ROBO2: variants seen among roughly 807,000 people sequenced by gnomAD.
The protein encoded by ROBO2 is roundabout homolog 2.
A neutral mutation model predicts 160.8 loss-of-function variants in ROBO2; 53 were observed. That is an observed-to-expected ratio of 0.33 (90% CI 0.26 to 0.41). The LOEUF is 0.41. ROBO2 is among the 10% of genes least tolerant of loss of function. The pLI is 1.00. For missense variants in ROBO2, 1,577 were observed against 1,722.4 expected (o/e 0.92, Z 1.49); for synonymous variants, 664 against 611.7 (o/e 1.09, Z -1.26).
At chr3:76,501,002 G>C (rs1307375553) in intron 2 of ROBO2, among the ~76,000 whole-genome samples, 1 of 152,112 alleles carries the variant, frequency 6.6e-6, no homozygotes, top group Non-Finnish European at 1.5e-5. Context: ...GGGAGGGCTA[G>C]GAAGCATATT....
At chr3:76,881,804 C>G (rs951891166) in intron 2 of ROBO2, among the ~76,000 whole-genome samples, 1 of 152,182 alleles carries the variant, frequency 6.6e-6, no homozygotes, top group African/African-American at 2.4e-5. Flanking sequence ...TTGGCTATGG[C>G]AGAATGTGTG....
At chr3:76,062,633 T>C (rs72892644) in intron 2 of ROBO2, among the ~76,000 whole-genome samples, 4,055 of 152,242 alleles carry the variant, frequency 0.027, 201 homozygotes, top group African/African-American at 0.092. Context: ...GAAATTGGGT[T>C]TGTGCTTTCA....
chr3:77,618,958 A>G (rs1186345922), intron 22 of ROBO2, among the ~76,000 whole-genome samples: 1 of 152,194 alleles, frequency 6.6e-6, no homozygotes, highest in Non-Finnish European at 1.5e-5. Flanking sequence ...GAAGCAATGC[A>G]GTTTGGTCAT....
chr3:76,517,094 ACTTT>A (rs2081379015), intron 2 of ROBO2, among the ~76,000 whole-genome samples: 3 of 152,142 alleles, frequency 2.0e-5, no homozygotes, highest in South Asian at 2.1e-4. Flanking sequence ...ATATCATATG[ACTTT>A]CTTTTAATAT....
intron 2 of ROBO2, among the ~76,000 whole-genome samples, chr3:77,417,231 CTTTT>C (rs10552785): frequency 7.8e-5 from 11 of 141,910 alleles, no homozygotes; most frequent in Non-Finnish European, 1.1e-4. Flanking sequence ...AGGGTAACCA[CTTTT>C]TTTTTTTTTT....
chr3:77,530,516 C>T (rs563509858), intron 6 of ROBO2, among the ~76,000 whole-genome samples: 109 of 152,108 alleles, frequency 7.2e-4, no homozygotes, highest in Admixed American at 4.6e-4. Context: ...TCAGAGTTTT[C>T]CTCTAGGTGA....
At chr3:77,110,094 A>T (rs1473889872) in intron 2 of ROBO2, among the ~76,000 whole-genome samples, 1 of 152,110 alleles carries the variant, frequency 6.6e-6, no homozygotes, top group Non-Finnish European at 1.5e-5. Context: ...CAGTAATTTG[A>T]TTTTCTCTGT....
At chr3:77,557,518 T>C (rs528192101) in intron 8 of ROBO2, among the ~76,000 whole-genome samples, 2 of 152,144 alleles carry the variant, frequency 1.3e-5, no homozygotes, top group Non-Finnish European at 2.9e-5. Context: ...GAAAATTGGC[T>C]GTACTCATAT....
At chr3:77,043,169 G>A (rs1413310342) in intron 1 of ROBO2, among the ~76,000 whole-genome samples, 4 of 152,092 alleles carry the variant, frequency 2.6e-5, no homozygotes, top group African/African-American at 9.7e-5. Context: ...ATAGTGAAGA[G>A]GTTGGTTTGT....
At chr3:77,434,857 T>C (rs62249849) in intron 2 of ROBO2, among the ~76,000 whole-genome samples, 11,984 of 152,202 alleles carry the variant, frequency 0.079, 560 homozygotes, top group African/African-American at 0.11. Flanking sequence ...AGATCACTTA[T>C]TGTATTTTTA....
intron 2 of ROBO2, among the ~76,000 whole-genome samples, chr3:76,823,647 T>C (rs1391417709): frequency 1.3e-5 from 2 of 151,970 alleles, no homozygotes; most frequent in African/African-American, 2.4e-5. Flanking sequence ...GTATTAAAAA[T>C]GGAAGCAATA....
intron 2 of ROBO2, among the ~76,000 whole-genome samples, chr3:76,026,682 C>T (rs1428705760): frequency 6.6e-6 from 1 of 151,812 alleles, no homozygotes; most frequent in Non-Finnish European, 1.5e-5. Context: ...GTGTGGAGAT[C>T]CCATATAAAC....
rs575453614 is a variant in ROBO2, at chr3:76,795,945, G to GA, written c.110-302066dup. 1.4e-3 allele frequency among the ~76,000 whole-genome samples: 216 copies of GA among 152,242 alleles called. 1 individual carries two copies. Among genetic ancestry groups the GA allele is most frequent in the African/African-American group, 5.1e-3 (211 of 41,560 alleles). On this transcript the variant is annotated intron_variant, in intron 2 of 26. Transcript: ENST00000487694. ...GAATGGATATTGCATTAGCAGGCAT[G>GA]AAACAACATTAATTTTTTTATACAT...
intron 2 of ROBO2, among the ~76,000 whole-genome samples, chr3:77,132,910 A>G (rs776211042): frequency 1.3e-5 from 2 of 152,192 alleles, no homozygotes; most frequent in Non-Finnish European, 2.9e-5. Context: ...GAAGGTTTAC[A>G]GAAGTGAATA....
intron 2 of ROBO2, among the ~76,000 whole-genome samples, chr3:76,136,362 A>G (rs181652238): frequency 2.0e-5 from 3 of 152,008 alleles, no homozygotes; most frequent in Admixed American, 1.3e-4. Flanking sequence ...TTGACAAAAA[A>G]TGACTTAAAA....
intron 1 of ROBO2, among the ~76,000 whole-genome samples, chr3:75,911,552 C>CTTTT (rs56787695): frequency 0.022 from 1,811 of 83,516 alleles, 129 homozygotes; most frequent in Middle Eastern, 0.048. Context: ...AGCCTTGTTT[C>CTTTT]TTTTTTTTTT....
intron 2 of ROBO2, among the ~76,000 whole-genome samples, chr3:76,747,260 G>T (rs1284365963): frequency 6.6e-6 from 1 of 152,080 alleles, no homozygotes; most frequent in African/African-American, 2.4e-5. Context: ...GTGATTTGCA[G>T]AGCAGTGTAC....
intron 2 of ROBO2, among the ~76,000 whole-genome samples, chr3:76,761,008 C>G (rs2061276483): frequency 6.6e-6 from 1 of 151,574 alleles, no homozygotes; most frequent in African/African-American, 2.4e-5. Context: ...CCTTCTACAT[C>G]AGGAACACAT....
Position 77,311,822 on chromosome 3 carries a change from C to A in ROBO2, c.389-165592C>A, listed in dbSNP as rs189159955. Reference sequence around the variant, plus strand: ...TGACTCAGGGCCGGGCGCAGTGGGTCACGCCTGTAATCCCAACACTTTGAG... The same window carrying A: ...TGACTCAGGGCCGGGCGCAGTGGGTAACGCCTGTAATCCCAACACTTTGAG... On this transcript the variant is annotated intron_variant, in intron 2 of 25. Transcript: ENST00000461745. Among the ~76,000 whole-genome samples, 132 of 152,294 alleles carry A rather than the reference C, an allele frequency of 8.7e-4. 1 individual carries two copies. Among genetic ancestry groups the A allele is most frequent in the African/African-American group, 3.0e-3 (126 of 41,568 alleles).
Sources: gnomAD v4.1 joint callset for allele counts (sites outside exome capture counted in the v4.1 genomes callset) on GRCh38, gnomAD v4.1.1 for gene constraint, MANE v1.5 for transcripts, NCBI Gene and HGNC (gene_info 2026-07-23, HGNC 2026-07-21) for gene names.